The following KCNQ3 variants were observed in gnomAD, a reference collection of about 807,000 sequenced individuals.
The protein encoded by KCNQ3 is potassium voltage-gated channel subfamily Q member 3.
A neutral mutation model predicts 92.5 loss-of-function variants in KCNQ3; 30 were observed. The ratio of observed to expected loss-of-function variants is 0.32; its 90% CI spans 0.24 to 0.44. The LOEUF (loss-of-function observed/expected upper bound fraction) is 0.44, where lower values mean the gene tolerates loss of function less well. Ranked by LOEUF, KCNQ3 falls within the 20% of genes least tolerant of loss-of-function variation. The pLI, the probability that KCNQ3 is intolerant of heterozygous loss-of-function variation, is 1.00. For missense variants in KCNQ3, 913 were observed against 1,140.3 expected, an observed-to-expected ratio of 0.80 and a Z score of 2.87; for synonymous variants, 450 against 468.8, an observed-to-expected ratio of 0.96 and a Z score of 0.52.
intron 1 of KCNQ3, among the ~76,000 whole-genome samples, chr8:132,290,038 A>G (rs1816796308): frequency 6.6e-6 from 1 of 152,204 alleles, no homozygotes; most frequent in African/African-American, 2.4e-5. Context: ...TGGGTACAGC[A>G]GACTTTAATT....
intron 1 of KCNQ3, among the ~76,000 whole-genome samples, chr8:132,244,580 T>A (rs938359877): frequency 2.0e-5 from 3 of 152,234 alleles, no homozygotes; most frequent in African/African-American, 7.2e-5. Context: ...TTCAGTGTTA[T>A]ACAGTGTCCT....
intron 1 of KCNQ3, among the ~76,000 whole-genome samples, chr8:132,469,275 T>C (rs148106619): frequency 1.3e-5 from 2 of 152,324 alleles, no homozygotes; most frequent in African/African-American, 4.8e-5. Flanking sequence ...GGGCAGATGC[T>C]TGAACCCAAT....
chr8:132,473,913 T>C (rs1434709856), intron 1 of KCNQ3, among the ~76,000 whole-genome samples: 1 of 152,202 alleles, frequency 6.6e-6, no homozygotes, highest in Non-Finnish European at 1.5e-5. Context: ...GCTGGCTCCA[T>C]GTGTCTCACT....
intron 1 of KCNQ3, among the ~76,000 whole-genome samples, chr8:132,208,898 C>T (rs1813757988): frequency 6.6e-6 from 1 of 152,134 alleles, no homozygotes; most frequent in Non-Finnish European, 1.5e-5. Flanking sequence ...TCCTAAAACA[C>T]CTCCTGGATC....
chr8:132,411,640 C>T (rs1001675997), intron 1 of KCNQ3, among the ~76,000 whole-genome samples: 1 of 152,020 alleles, frequency 6.6e-6, no homozygotes, highest in African/African-American at 2.4e-5. Flanking sequence ...ATATCAGGGA[C>T]ACACACACAC....
chr8:132,249,850 G>A (rs149385382), intron 1 of KCNQ3, among the ~76,000 whole-genome samples: 197 of 152,332 alleles, frequency 1.3e-3, no homozygotes, highest in Middle Eastern at 6.8e-3. Flanking sequence ...ACGTTGGTGA[G>A]CTAGCACTGC....
At chr8:132,242,148 C>T (rs1815017732) in intron 1 of KCNQ3, among the ~76,000 whole-genome samples, 1 of 152,140 alleles carries the variant, frequency 6.6e-6, no homozygotes, top group Non-Finnish European at 1.5e-5. Context: ...TGGCAAGTAC[C>T]TCATATGTGG....
At chr8:132,416,349 C>A (rs923802746) in intron 1 of KCNQ3, among the ~76,000 whole-genome samples, 1 of 152,152 alleles carries the variant, frequency 6.6e-6, no homozygotes, top group Non-Finnish European at 1.5e-5. Context: ...TAAATTCAGT[C>A]GGGCACAGTG....
chr8:132,141,064 G>T, intron 10 of KCNQ3, 65 bp downstream of exon 10: 1 of 1,444,622 alleles, frequency 6.9e-7, no homozygotes, highest in Non-Finnish European at 9.7e-7. Flanking sequence ...GGAGAGGTGA[G>T]GAAGGAAGTG....
chr8:132,372,179 A>G (rs181014757), intron 1 of KCNQ3, among the ~76,000 whole-genome samples: 1 of 151,974 alleles, frequency 6.6e-6, no homozygotes, highest in African/African-American at 2.4e-5. Context: ...GGCTTCTAAC[A>G]TCATGATTCT....
At chr8:132,378,582 G>T (rs1179612350) in intron 1 of KCNQ3, among the ~76,000 whole-genome samples, 1 of 152,074 alleles carries the variant, frequency 6.6e-6, no homozygotes, top group Non-Finnish European at 1.5e-5. Context: ...CTCTTGCCTT[G>T]CCACTTCCAA....
intron 1 of KCNQ3, among the ~76,000 whole-genome samples, chr8:132,312,367 CT>C (rs1305509960): frequency 6.6e-6 from 1 of 152,222 alleles, no homozygotes; most frequent in Non-Finnish European, 1.5e-5. Context: ...CATTTCCAAT[CT>C]TTTCAGCTCC....
At chr8:132,386,717 T>C (rs2721916) in intron 1 of KCNQ3, among the ~76,000 whole-genome samples, 57,370 of 151,996 alleles carry the variant, frequency 0.38, 11,700 homozygotes, top group African/African-American at 0.54. Flanking sequence ...TGGTCATCTA[T>C]TAAGGTGATC....
rs190484804 is a variant in KCNQ3 at position 132,426,265 on chromosome 8, C to G, written c.386+53882G>C. 3.6e-3 allele frequency among the ~76,000 whole-genome samples: 546 copies of G among 152,380 alleles called. 1 individual carries two copies. The highest frequency in any genetic ancestry group is 5.0e-3 in the Non-Finnish European group (343 of 68,046). ...GCCTAACTGAAAGTTCCCCTCCCTC[C>G]TCCGCTCCCATGGATAAGGCCCTCA... On this transcript the variant is annotated intron_variant, in intron 1 of 14. Transcript: ENST00000388996.
intron 1 of KCNQ3, among the ~76,000 whole-genome samples, chr8:132,466,252 C>T (rs1036423552): frequency 6.6e-6 from 1 of 152,036 alleles, no homozygotes. Flanking sequence ...AGAGAATCAT[C>T]ACAACCCTTA....
chr8:132,334,738 G>C (rs182168728), intron 1 of KCNQ3, among the ~76,000 whole-genome samples: 1 of 152,120 alleles, frequency 6.6e-6, no homozygotes, highest in Non-Finnish European at 1.5e-5. Context: ...ATTCAAGAGC[G>C]TTTCTTGTAG....
intron 1 of KCNQ3, among the ~76,000 whole-genome samples, chr8:132,389,414 T>A (rs182319677): frequency 3.3e-5 from 5 of 152,184 alleles, no homozygotes; most frequent in African/African-American, 1.2e-4. Flanking sequence ...TTGCACTCCA[T>A]CCTGGCCAAC....
chr8:132,321,432 A>ACGG (rs1157497798), intron 1 of KCNQ3: 2 of 152,502 alleles, frequency 1.3e-5, no homozygotes, highest in African/African-American at 4.8e-5. Context: ...CCAACCTGAC[A>ACGG]CGGAATACAT....
intron 11 of KCNQ3, among the ~76,000 whole-genome samples, chr8:132,139,132 G>A (rs1001245376): frequency 2.6e-5 from 4 of 152,172 alleles, no homozygotes; most frequent in Non-Finnish European, 5.9e-5. Flanking sequence ...TTTACTATCC[G>A]ACCCTTTCAA....
Sources: gnomAD v4.1 joint callset for allele counts (sites outside exome capture counted in the v4.1 genomes callset) on GRCh38, gnomAD v4.1.1 for gene constraint, MANE v1.5 for transcripts, NCBI Gene and HGNC (gene_info 2026-07-23, HGNC 2026-07-21) for gene names.